RALYL: variants seen among roughly 807,000 people sequenced by gnomAD.
The protein encoded by RALYL is RALY RNA binding protein like.
RALYL carries 29 observed loss-of-function variants against 35.1 expected under a neutral mutation model. The ratio of observed to expected loss-of-function variants is 0.83; its 90% CI spans 0.61 to 1.13. The LOEUF (loss-of-function observed/expected upper bound fraction) is 1.13. Among genes scored for constraint, RALYL ranks in the 50% most tolerant of loss-of-function variants. RALYL has a pLI of 0.00. For missense variants in RALYL, 359 were observed against 360.4 expected (o/e 1.00, Z 0.03); for synonymous variants, 120 against 127.6 (o/e 0.94, Z 0.40).
At chr8:84,920,833 G>A (rs566245836) in intron 8 of RALYL, 61 bp from the exon 9 acceptor site, 14 of 688,270 alleles carry the variant, frequency 2.0e-5, no homozygotes, top group African/African-American at 1.3e-4. Flanking sequence ...ATCAGTATAC[G>A]CATGCTATCA....
At chr8:84,309,778 A>T (rs1255039363) in intron 1 of RALYL, among the ~76,000 whole-genome samples, 1 of 152,178 alleles carries the variant, frequency 6.6e-6, no homozygotes, top group Non-Finnish European at 1.5e-5. Flanking sequence ...TCTCAGAGCT[A>T]AGTGGGTGTT....
intron 1 of RALYL, among the ~76,000 whole-genome samples, chr8:84,232,998 A>C (rs1460110581): frequency 2.0e-5 from 3 of 151,834 alleles, no homozygotes; most frequent in South Asian, 2.1e-4. Flanking sequence ...TTCTTTTTTT[A>C]AAGACAGGGT....
At chr8:84,665,350 G>C (rs1183897455) in intron 2 of RALYL, among the ~76,000 whole-genome samples, 1 of 152,050 alleles carries the variant, frequency 6.6e-6, no homozygotes, top group Non-Finnish European at 1.5e-5. Flanking sequence ...AGTTAGGGAA[G>C]AGTCCCTCCT....
chr8:84,468,592 C>T (rs1163279335), intron 1 of RALYL, among the ~76,000 whole-genome samples: 1 of 148,026 alleles, frequency 6.8e-6, no homozygotes, highest in African/African-American at 2.5e-5. Context: ...TCCTTCATTT[C>T]AACTTTGGTG....
intron 1 of RALYL, among the ~76,000 whole-genome samples, chr8:84,249,769 T>C (rs1030614714): frequency 1.3e-5 from 2 of 152,006 alleles, no homozygotes; most frequent in African/African-American, 4.8e-5. Context: ...TGCACTATAC[T>C]ACATGTAGAA....
intron 2 of RALYL, among the ~76,000 whole-genome samples, chr8:84,589,587 T>C (rs1282041472): frequency 6.6e-6 from 1 of 152,244 alleles, no homozygotes; most frequent in Non-Finnish European, 1.5e-5. Context: ...GAACTTCAGG[T>C]TATGTATCAG....
intron 2 of RALYL, among the ~76,000 whole-genome samples, chr8:84,619,481 G>A (rs1820732533): frequency 1.4e-5 from 2 of 147,176 alleles, no homozygotes; most frequent in African/African-American, 5.2e-5. Context: ...TTGAGCCTAT[G>A]TGTGTCTCTG....
At chr8:84,641,788 T>TA (rs59556525) in intron 2 of RALYL, among the ~76,000 whole-genome samples, 7,317 of 119,176 alleles carry the variant, frequency 0.061, 281 homozygotes, top group African/African-American at 0.077. Context: ...GTCTTATTTG[T>TA]AAAAAAAAAA....
chr8:84,270,252 G>T (rs541904010), intron 1 of RALYL, among the ~76,000 whole-genome samples: 21 of 152,342 alleles, frequency 1.4e-4, no homozygotes, highest in Non-Finnish European at 2.6e-4. Context: ...AAGTCACTCT[G>T]TGGGAAGGAA....
At chr8:84,764,412 T>G (rs1314223924) in intron 2 of RALYL, among the ~76,000 whole-genome samples, 1 of 152,208 alleles carries the variant, frequency 6.6e-6, no homozygotes, top group Non-Finnish European at 1.5e-5. Context: ...ATATAACCTT[T>G]GAATGAAATA....
chr8:84,865,503 A>G (rs531998702), intron 6 of RALYL, among the ~76,000 whole-genome samples: 1 of 152,240 alleles, frequency 6.6e-6, no homozygotes, highest in African/African-American at 2.4e-5. Flanking sequence ...ATAAGCATTT[A>G]AAATGAACTG....
intron 3 of RALYL, among the ~76,000 whole-genome samples, chr8:84,776,017 T>A (rs909101497): frequency 2.0e-5 from 3 of 152,200 alleles, no homozygotes; most frequent in Non-Finnish European, 2.9e-5. Flanking sequence ...TCCATCAGTA[T>A]CTGCATCTGA....
chr8:84,901,735 T>A (rs1223787948), intron 8 of RALYL, among the ~76,000 whole-genome samples: 2 of 152,118 alleles, frequency 1.3e-5, no homozygotes, highest in Admixed American at 6.5e-5. Context: ...AGGGGATGGA[T>A]CCTGGCTCAG....
At chr8:84,257,232 C>T (rs983773692) in intron 1 of RALYL, among the ~76,000 whole-genome samples, 22 of 151,812 alleles carry the variant, frequency 1.4e-4, no homozygotes, top group African/African-American at 3.4e-4. Flanking sequence ...AAAAAGATTG[C>T]GTGAATCATC....
At chr8:84,283,508 A>G (rs1237339248) in intron 1 of RALYL, among the ~76,000 whole-genome samples, 6 of 152,116 alleles carry the variant, frequency 3.9e-5, no homozygotes, top group Non-Finnish European at 8.8e-5. Flanking sequence ...GAGAGGTAGC[A>G]TCCATCTGGG....
At chr8:84,430,454 T>C (rs1318071286) in intron 1 of RALYL, among the ~76,000 whole-genome samples, 1 of 152,108 alleles carries the variant, frequency 6.6e-6, no homozygotes, top group East Asian at 1.9e-4. Flanking sequence ...TTTGTTCAAA[T>C]AGAGGAAAGA....
chr8:84,889,368 C>T (rs1392799921), intron 8 of RALYL, among the ~76,000 whole-genome samples: 1 of 152,170 alleles, frequency 6.6e-6, no homozygotes, highest in African/African-American at 2.4e-5. Flanking sequence ...GGTTACTTCT[C>T]TGTTCTTATT....
At chr8:84,438,547 AT>A (rs1252820102) in intron 1 of RALYL, among the ~76,000 whole-genome samples, 1 of 151,828 alleles carries the variant, frequency 6.6e-6, no homozygotes, top group Non-Finnish European at 1.5e-5. Context: ...GGCCATCTCA[AT>A]AAGCTATTTT....
At chr8:84,501,617 A>T (rs1348159694) in intron 1 of RALYL, among the ~76,000 whole-genome samples, 1 of 151,934 alleles carries the variant, frequency 6.6e-6, no homozygotes, top group African/African-American at 2.4e-5. Context: ...GAAAATCACT[A>T]GGATAAATAT....
Sources: gnomAD v4.1 joint callset for allele counts (sites outside exome capture counted in the v4.1 genomes callset) on GRCh38, gnomAD v4.1.1 for gene constraint, MANE v1.5 for transcripts, NCBI Gene and HGNC (gene_info 2026-07-23, HGNC 2026-07-21) for gene names.